The following SYT16 variants were observed in gnomAD, a reference collection of about 807,000 sequenced individuals.
The protein encoded by SYT16 is synaptotagmin 16.
SYT16 carries 42 observed loss-of-function variants against 61.4 expected under a neutral mutation model. That is an observed-to-expected ratio of 0.68 (90% confidence interval 0.53 to 0.89). The LOEUF (loss-of-function observed/expected upper bound fraction) is 0.89, where lower values mean the gene tolerates loss of function less well. Ranked by LOEUF, SYT16 falls within the 40% of genes least tolerant of loss-of-function variation. SYT16 has a pLI of 0.00. For missense variants in SYT16, 804 were observed against 807.3 expected (o/e 1.00, Z 0.05); for synonymous variants, 314 against 302.3 (o/e 1.04, Z -0.40).
At chr14:61,973,012 T>C (rs1371205161) in intron 2 of SYT16, among the ~76,000 whole-genome samples, 1 of 152,216 alleles carries the variant, frequency 6.6e-6, no homozygotes, top group East Asian at 1.9e-4. Flanking sequence ...ACTCTTAGAT[T>C]AAACCATATA....
intron 2 of SYT16, among the ~76,000 whole-genome samples, chr14:61,987,456 G>A (rs975080856): frequency 6.6e-6 from 1 of 152,152 alleles, no homozygotes; most frequent in African/African-American, 2.4e-5. Context: ...GAATGCAGTG[G>A]GGTCATTTAA....
intron 3 of SYT16, among the ~76,000 whole-genome samples, chr14:62,055,678 C>G (rs2055521196): frequency 6.6e-6 from 1 of 152,152 alleles, no homozygotes; most frequent in South Asian, 2.1e-4. Flanking sequence ...ATCAGCAACA[C>G]AAATCCCTGC....
intron 1 of SYT16, among the ~76,000 whole-genome samples, chr14:61,846,050 G>T (rs1480273421): frequency 6.6e-6 from 1 of 152,036 alleles, no homozygotes; most frequent in Non-Finnish European, 1.5e-5. Flanking sequence ...TCAGTTTTTT[G>T]AATGTTTTAA....
intron 1 of SYT16, among the ~76,000 whole-genome samples, chr14:61,966,427 C>G (rs1239831753): frequency 1.3e-5 from 2 of 151,864 alleles, no homozygotes; most frequent in Admixed American, 6.6e-5. Flanking sequence ...CTAATATTTT[C>G]CAAACATTCT....
rs1389524719 is a variant in SYT16, at chr14:62,075,411, T to C, written c.993+20T>C. Reference sequence around the variant, plus strand: ...CCAGAGGCAAGTTATTTGTTTTTCATTCTTTCATTGGTTCCCTTTCCCCTT... The same window carrying C: ...CCAGAGGCAAGTTATTTGTTTTTCACTCTTTCATTGGTTCCCTTTCCCCTT... On this transcript the variant is annotated intron_variant, in intron 5 of 7. Coordinates refer to ENST00000683842, the MANE Select transcript of SYT16 (RefSeq NM_001367656.1). The C allele has an allele frequency of 1.3e-6, 2 of 1,584,148 alleles. No homozygotes were observed. The highest frequency in any genetic ancestry group is 1.7e-5 in the Admixed American group (1 of 59,402).
At chr14:62,024,732 A>G (rs1449528177) in intron 3 of SYT16, among the ~76,000 whole-genome samples, 1 of 152,100 alleles carries the variant, frequency 6.6e-6, no homozygotes, top group Non-Finnish European at 1.5e-5. Context: ...TCTACCATTT[A>G]TAGCATCATA....
At chr14:62,013,217 C>A (rs1195385183) in intron 3 of SYT16, among the ~76,000 whole-genome samples, 1 of 152,080 alleles carries the variant, frequency 6.6e-6, no homozygotes, top group Non-Finnish European at 1.5e-5. Flanking sequence ...GGTTAAGTAG[C>A]TTGTTCAGTG....
intron 2 of SYT16, among the ~76,000 whole-genome samples, chr14:61,979,314 A>G (rs1329322917): frequency 2.6e-5 from 4 of 152,194 alleles, no homozygotes; most frequent in Non-Finnish European, 4.4e-5. Context: ...CATATTTAGT[A>G]TGATTGATGA....
chr14:62,007,556 A>G (rs1196294860), intron 3 of SYT16, among the ~76,000 whole-genome samples: 1 of 152,140 alleles, frequency 6.6e-6, no homozygotes, highest in African/African-American at 2.4e-5. Flanking sequence ...GTTTAAGTTG[A>G]GAAGATGATT....
intron 7 of SYT16, among the ~76,000 whole-genome samples, chr14:62,098,649 A>C (rs1376888655): frequency 6.6e-6 from 1 of 152,210 alleles, no homozygotes; most frequent in Non-Finnish European, 1.5e-5. Flanking sequence ...ATTCATTACA[A>C]AATATTTATT....
rs987591689 is a variant in SYT16, at chr14:61,992,226, C to T, written c.-144-3650C>T. ...ACATTTCCTCATAAAAAATGAGTAT[C>T]GGGCAGTTTAGGGAGAGAAGTCATC... On this transcript the variant is annotated intron_variant, in intron 2 of 7. Transcript: ENST00000683842. 3.9e-5 allele frequency among the ~76,000 whole-genome samples: 6 copies of T among 152,116 alleles called. No homozygotes were observed. In the South Asian group the frequency reaches 1.0e-3, roughly 26 times the overall value.
intron 3 of SYT16, among the ~76,000 whole-genome samples, chr14:62,040,810 T>G (rs2054698998): frequency 6.6e-6 from 1 of 152,216 alleles, no homozygotes; most frequent in Non-Finnish European, 1.5e-5. Context: ...TACTCTTACC[T>G]CTTCCTGCCT....
chr14:61,984,355 C>T (rs1319757029), intron 2 of SYT16, among the ~76,000 whole-genome samples: 2 of 152,092 alleles, frequency 1.3e-5, no homozygotes, highest in African/African-American at 4.8e-5. Flanking sequence ...TCCAAAGAAG[C>T]TGAAATGAAT....
At chr14:61,855,869 A>T (rs1381189794) in intron 1 of SYT16, among the ~76,000 whole-genome samples, 2 of 152,262 alleles carry the variant, frequency 1.3e-5, no homozygotes, top group Non-Finnish European at 2.9e-5. Flanking sequence ...TTTTGTAATA[A>T]ACCTGAATGG....
At position 62,107,486 on chromosome 14, in the gene SYT16, AG is replaced by A. The variant is rs2057534361; in HGVS notation, c.*6783del. 1 of 152,210 alleles carries A rather than the reference AG, an allele frequency of 6.6e-6. No individual in the cohort carries two copies. Among genetic ancestry groups the A allele is most frequent in the Non-Finnish European group, 1.5e-5 (1 of 68,030 alleles). The allele number at this position is 152,210 out of a possible 1,614,324, so 9.4% of individuals were successfully genotyped here. A position where few individuals can be genotyped will look rare whatever the true frequency, so the allele number is the denominator to read the frequency against. On this transcript the variant is annotated 3_prime_UTR_variant, in exon 8 of 8. Transcript: ENST00000683842. ...GTGTAAATGTTCCAGACTCAGGGTT[AG>A]GGGTTGGAGAATGGCAGATGGATAA... is the stretch of plus-strand genomic sequence containing the variant.
intron 1 of SYT16, among the ~76,000 whole-genome samples, chr14:61,885,633 T>G (rs2047870128): frequency 6.6e-6 from 1 of 152,218 alleles, no homozygotes; most frequent in Non-Finnish European, 1.5e-5. Flanking sequence ...ATATTATTTC[T>G]ATTTACAGGC....
chr14:61,951,753 G>T lies in SYT16; in HGVS notation c.-324-18379G>T, dbSNP rs1451762385. On this transcript the variant is annotated intron_variant, in intron 1 of 7. Coordinates refer to ENST00000683842, the MANE Select transcript of SYT16 (RefSeq NM_001367656.1). ...TTTCAACATGACATGTCTTTATTGGGCATATGTTCCTAATTATTTCTATAA... is the reference window on the plus strand; with the variant it reads ...TTTCAACATGACATGTCTTTATTGGTCATATGTTCCTAATTATTTCTATAA... 2.0e-5 allele frequency among the ~76,000 whole-genome samples: 3 copies of T among 151,818 alleles called. No homozygotes were observed. In the East Asian group the frequency reaches 5.8e-4, roughly 29 times the overall value.
At chr14:61,825,915 A>C (rs1383317810) in intron 1 of SYT16, among the ~76,000 whole-genome samples, 1 of 152,230 alleles carries the variant, frequency 6.6e-6, no homozygotes, top group African/African-American at 2.4e-5. Flanking sequence ...TCAATGAATT[A>C]ACTTTTGCAG....
At chr14:61,918,033 G>A (rs908666806) in intron 1 of SYT16, among the ~76,000 whole-genome samples, 1 of 152,068 alleles carries the variant, frequency 6.6e-6, no homozygotes, top group Non-Finnish European at 1.5e-5. Flanking sequence ...GTGTCCTGTC[G>A]GTATTCAAAG....
Sources: gnomAD v4.1 joint callset for allele counts (sites outside exome capture counted in the v4.1 genomes callset) on GRCh38, gnomAD v4.1.1 for gene constraint, MANE v1.5 for transcripts, NCBI Gene and HGNC (gene_info 2026-07-23, HGNC 2026-07-21) for gene names.